The following FBXL17 variants were observed in gnomAD, a reference collection of about 807,000 sequenced individuals.
The protein encoded by FBXL17 is F-box and leucine rich repeat protein 17.
Under a neutral mutation model 66.2 loss-of-function variants are expected in FBXL17, and 22 were observed. The observed-to-expected ratio is 0.33, with a 90% confidence interval of 0.24 to 0.47. The LOEUF (loss-of-function observed/expected upper bound fraction) is 0.47, where lower values mean the gene tolerates loss of function less well. Among genes scored for constraint, FBXL17 ranks in the 20% least tolerant of loss-of-function variants. The probability of loss-of-function intolerance (pLI) is 1.00; values close to 1 mark genes in which losing one functional copy is unlikely to be tolerated. For synonymous variants in FBXL17, 474 were observed against 400.5 expected (o/e 1.18, Z -2.19); for missense variants, 878 against 948.2 (o/e 0.93, Z 0.97).
intron 4 of FBXL17, among the ~76,000 whole-genome samples, chr5:108,304,648 T>C (rs1257081363): frequency 6.6e-6 from 1 of 151,960 alleles, no homozygotes; most frequent in Non-Finnish European, 1.5e-5. Flanking sequence ...AAAAATAAAC[T>C]GAAATGAAAT....
intron 6 of FBXL17, among the ~76,000 whole-genome samples, chr5:108,067,870 A>G (rs1748176859): frequency 6.6e-6 from 1 of 152,242 alleles, no homozygotes; most frequent in Non-Finnish European, 1.5e-5. Flanking sequence ...AAATAAAAAT[A>G]TAGCCAATTC....
chr5:108,331,394 T>C (rs1020425078), intron 4 of FBXL17, among the ~76,000 whole-genome samples: 4 of 152,320 alleles, frequency 2.6e-5, no homozygotes, highest in Non-Finnish European at 5.9e-5. Flanking sequence ...TCACCAAAAC[T>C]GTGTACGAGA....
chr5:108,347,852 A>T (rs949456032), intron 4 of FBXL17, among the ~76,000 whole-genome samples: 2 of 152,224 alleles, frequency 1.3e-5, no homozygotes, highest in Non-Finnish European at 2.9e-5. Context: ...CTCAAAAAAA[A>T]TTGTAAGATT....
intron 3 of FBXL17, among the ~76,000 whole-genome samples, chr5:108,350,944 C>T (rs1036415799): frequency 2.0e-5 from 3 of 152,038 alleles, no homozygotes; most frequent in Non-Finnish European, 2.9e-5. Flanking sequence ...GGATAACGGT[C>T]GTAAGATACT....
At chr5:108,047,732 T>G (rs567280603) in intron 6 of FBXL17, among the ~76,000 whole-genome samples, 2 of 152,302 alleles carry the variant, frequency 1.3e-5, no homozygotes, top group East Asian at 3.9e-4. Flanking sequence ...TCACTGGGTA[T>G]GGCCTCCCTG....
chr5:108,321,008 T>C lies in FBXL17; in HGVS notation c.1506+27391A>G, dbSNP rs1473849151. Among the ~76,000 whole-genome samples the C allele has an allele frequency of 6.6e-5, 10 of 151,832 alleles. No individual in the cohort carries two copies. The Admixed American group carries it at 6.6e-4, about 10-fold the overall frequency. Reference sequence around the variant, plus strand: ...CAACTAGTACACCTAGGAGAGGTGCTCTAAGAGTATGTATTCCACAATATA... The same window carrying C: ...CAACTAGTACACCTAGGAGAGGTGCCCTAAGAGTATGTATTCCACAATATA... On this transcript the variant is annotated intron_variant, in intron 4 of 8. Coordinates refer to ENST00000542267, the MANE Select transcript of FBXL17 (RefSeq NM_001163315.3).
In FBXL17 at chr5:108,381,588, C is replaced by A; in HGVS notation, c.104G>T (p.Arg35Leu). 1 of 1,457,216 alleles carries A rather than the reference C, an allele frequency of 6.9e-7. No homozygotes were observed. 90.3% of individuals were successfully genotyped at this position (1,457,216 alleles called of 1,614,324 possible). The change falls in exon 1 of 9, where the codon CGC (arginine) becomes CTC (leucine). Residue 35 changes from arginine (R) to leucine (L), a missense_variant. Around this residue, in one of 4 missense-constraint regions of FBXL17, gnomAD observed 605 missense variants for 509.5 expected, o/e 1.19. Transcript: ENST00000542267. The stretch of plus-strand genomic sequence containing the variant: ...AGGGGGCACCTTGGCTGGGGTCCGG[C>A]GGGGCAGCCTGAGGAGAGGGCGCCG... ...RRRRPLLRLP[R>L]RTPAKVPPQP...
chr5:108,021,525 T>C (rs1281006728), intron 6 of FBXL17, among the ~76,000 whole-genome samples: 1 of 151,558 alleles, frequency 6.6e-6, no homozygotes, highest in Non-Finnish European at 1.5e-5. Context: ...ACACATAACT[T>C]TAAAATCTTT....
At chr5:108,166,919 A>T (rs1328520230) in intron 6 of FBXL17, among the ~76,000 whole-genome samples, 1 of 152,332 alleles carries the variant, frequency 6.6e-6, no homozygotes, top group East Asian at 1.9e-4. Context: ...GGTGCAGATA[A>T]TGTTAAAATA....
intron 7 of FBXL17, among the ~76,000 whole-genome samples, chr5:107,970,092 T>A (rs1332822771): frequency 6.6e-6 from 1 of 152,186 alleles, no homozygotes; most frequent in African/African-American, 2.4e-5. Context: ...AAGGATTGTA[T>A]CATCTGGTGT....
intron 4 of FBXL17, chr5:108,298,334 T>C: frequency 1.0e-6 from 1 of 984,016 alleles, no homozygotes; most frequent in Non-Finnish European, 1.2e-6. Flanking sequence ...CTGAGAAAAA[T>C]CGTTTTTGTA....
intron 6 of FBXL17, among the ~76,000 whole-genome samples, chr5:108,173,682 G>A (rs1752690467): frequency 6.6e-6 from 1 of 152,162 alleles, no homozygotes; most frequent in East Asian, 1.9e-4. Context: ...TGCTTCTATG[G>A]AAAGACAGAG....
chr5:108,008,707 C>T (rs1754029804), intron 7 of FBXL17, among the ~76,000 whole-genome samples: 3 of 152,098 alleles, frequency 2.0e-5, no homozygotes, highest in African/African-American at 7.2e-5. Context: ...TGGATGCGCG[C>T]AGCTTGGTTG....
intron 8 of FBXL17, chr5:107,878,982 C>T (rs557378628): frequency 4.1e-6 from 4 of 985,436 alleles, no homozygotes; most frequent in Non-Finnish European, 4.8e-6. Context: ...GGGCTAAAAC[C>T]CTCAGGGATA....
At position 108,186,128 on chromosome 5, in the gene FBXL17, G is replaced by C. The variant is rs756074365; in HGVS notation, c.1734C>G (p.Ile578Met). ...GTTACAATGGTTACCTGTCATTTAT[G>C]ATCCAGTTCAGACAGAGATTGAGAG... ...LSSLNLCLNW[I>M]INDRCVEVIA... The change falls in exon 6 of 9, where the codon ATC becomes ATG. Residue 578 changes from isoleucine to methionine, a missense_variant. Physicochemically the swap from Ile to Met is conservative, Grantham distance 10. Around this residue, in one of 4 missense-constraint regions of FBXL17, gnomAD observed 236 missense variants for 389.1 expected, o/e 0.61. Transcript: ENST00000542267. 1 of 1,609,818 alleles carries C rather than the reference G, an allele frequency of 6.2e-7. No homozygotes were observed. The highest frequency in any genetic ancestry group is 8.5e-7 in the Non-Finnish European group (1 of 1,177,196).
At chr5:108,185,833 G>A (rs1398665443) in intron 6 of FBXL17, among the ~76,000 whole-genome samples, 2 of 152,114 alleles carry the variant, frequency 1.3e-5, no homozygotes, top group Admixed American at 1.3e-4. Context: ...ATGGCAAAAA[G>A]CAGGTATGTC....
At chr5:108,102,438 T>C (rs1749636344) in intron 6 of FBXL17, among the ~76,000 whole-genome samples, 1 of 152,212 alleles carries the variant, frequency 6.6e-6, no homozygotes, top group African/African-American at 2.4e-5. Flanking sequence ...ACCTGAATTT[T>C]AATTCTGATT....
intron 8 of FBXL17, among the ~76,000 whole-genome samples, chr5:107,877,704 T>C (rs140277688): frequency 1.6e-4 from 25 of 152,162 alleles, no homozygotes; most frequent in African/African-American, 3.6e-4. Flanking sequence ...AAGGGGTTTG[T>C]TGAGTAGATG....
intron 4 of FBXL17, among the ~76,000 whole-genome samples, chr5:108,274,908 C>A (rs1018001790): frequency 6.6e-6 from 1 of 152,028 alleles, no homozygotes; most frequent in Non-Finnish European, 1.5e-5. Context: ...AGTGTAAGTA[C>A]AATTATTACT....
Sources: allele counts gnomAD v4.1 joint callset (sites outside exome capture counted in the v4.1 genomes callset), GRCh38; gene constraint gnomAD v4.1.1; regional missense constraint gnomAD v4.1.1; transcripts MANE v1.5; gene names NCBI Gene and HGNC (gene_info 2026-07-23, HGNC 2026-07-21).